The following SH3BP2 variants were observed in gnomAD, a reference collection of about 807,000 sequenced individuals.
The protein encoded by SH3BP2 is SH3 domain binding protein 2.
In SH3BP2, 38 loss-of-function variants were observed where a neutral mutation model predicts 56.2. The ratio of observed to expected loss-of-function variants is 0.68; its 90% CI spans 0.52 to 0.89. SH3BP2 has a LOEUF of 0.89. SH3BP2 is among the 40% of genes least tolerant of loss of function. The probability of loss-of-function intolerance (pLI) is 0.00; values close to 1 mark genes in which losing one functional copy is unlikely to be tolerated. For missense variants in SH3BP2, 748 were observed against 762.6 expected (o/e 0.98, Z 0.23); for synonymous variants, 346 against 316.7 (o/e 1.09, Z -0.98).
At chr4:2,825,070 T>G in intron 4 of SH3BP2, 56 bp from the exon 5 acceptor site, 1 of 1,458,348 alleles carries the variant, frequency 6.9e-7, no homozygotes. Context: ...GGTGGAGGGG[T>G]GCGGTGGGGC....
chr4:2,810,785 A>G lies in SH3BP2; in HGVS notation c.-4-9829A>G, dbSNP rs561236297. ...CCCTCCTCTGGACCCTGCAGCCCCA[A>G]CTGTCAGAACTGCCTGCCTCATCGT... On this transcript the variant is annotated intron_variant, in intron 1 of 12. Transcript: ENST00000503393. The surrounding 1 kb of genome is among the most constrained non-coding windows in gnomAD (Gnocchi z 4.2). Among the ~76,000 whole-genome samples the G allele has an allele frequency of 2.0e-5, 3 of 152,228 alleles. No individual in the cohort carries two copies. The highest frequency in any genetic ancestry group is 2.1e-4 in the South Asian group (1 of 4,822).
intron 4 of SH3BP2, 78 bp from the exon 5 acceptor site, chr4:2,825,048 C>A: frequency 7.6e-7 from 1 of 1,310,804 alleles, no homozygotes; most frequent in Non-Finnish European, 1.1e-6. Flanking sequence ...GCAGAGCAGG[C>A]AGGGCAGTGA....
intron 1 of SH3BP2, among the ~76,000 whole-genome samples, chr4:2,799,550 C>A (rs1723174539): frequency 6.6e-6 from 1 of 152,158 alleles, no homozygotes; most frequent in Non-Finnish European, 1.5e-5. Flanking sequence ...TGAGAAAGGA[C>A]CCCCAACCCC....
At chr4:2,802,963 C>T (rs1405899927) in intron 1 of SH3BP2, among the ~76,000 whole-genome samples, 1 of 152,208 alleles carries the variant, frequency 6.6e-6, no homozygotes, top group Non-Finnish European at 1.5e-5. Flanking sequence ...TGGGCCCCAG[C>T]GTCCTTTGCC....
At position 2,831,406 on chromosome 4, in the gene SH3BP2, G is replaced by T. The variant is rs1262047612; in HGVS notation, c.1242-165G>T. 6.6e-6 allele frequency among the ~76,000 whole-genome samples: 1 copy of T among 152,192 alleles called. No individual in the cohort carries two copies. Among genetic ancestry groups the T allele is most frequent in the African/African-American group, 2.4e-5 (1 of 41,442 alleles). ...CCTGCTGTCCCAGGGCAGTCGGCAC[G>T]AGCCCTACCCGGATCTCTGTTGTCC... is the stretch of plus-strand genomic sequence containing the variant. On this transcript the variant is annotated intron_variant, in intron 8 of 12. Coordinates refer to ENST00000503393, the MANE Select transcript of SH3BP2 (RefSeq NM_001122681.2). This position sits in a 1 kb window ranked among gnomAD's most constrained non-coding sequence, Gnocchi z 4.1.
chr4:2,832,123 C>T (rs1725020383), intron 10 of SH3BP2, 145 bp downstream of exon 10: 1 of 991,132 alleles, frequency 1.0e-6, no homozygotes, highest in African/African-American at 1.6e-5. Flanking sequence ...AGTGGACCTC[C>T]CTGCTCTGTC....
chr4:2,839,887 A>ATTGATCAGTGT lies in SH3BP2; in HGVS notation c.*6056_*6066dup, dbSNP rs1725361208. 2 of 151,998 alleles carry ATTGATCAGTGT rather than the reference A, an allele frequency of 1.3e-5. No individual in the cohort carries two copies. Among genetic ancestry groups the ATTGATCAGTGT allele is most frequent in the African/African-American group, 4.8e-5 (2 of 41,350 alleles). The allele number at this position is 151,998 out of a possible 1,614,324, so 9.4% of individuals were successfully genotyped here. ...CAGTTCTTATTTTTAATGCAGTTGA[A>ATTGATCAGTGT]TTGATCAGTGTTTTCATTTTGGTTA... On this transcript the variant is annotated 3_prime_UTR_variant, in exon 13 of 13. Transcript: ENST00000503393.
intron 1 of SH3BP2, among the ~76,000 whole-genome samples, chr4:2,804,188 G>C (rs1458761913): frequency 6.6e-6 from 1 of 152,150 alleles, no homozygotes. Flanking sequence ...GTCTCCTTCT[G>C]TCCCGGCACC....
rs1188334638 is a variant in SH3BP2 at position 2,829,617 on chromosome 4, C to G, written c.711C>G (p.Pro237=). The G allele has an allele frequency of 1.2e-6, 2 of 1,612,724 alleles. No individual in the cohort carries two copies. Among genetic ancestry groups the G allele is most frequent in the Non-Finnish European group, 1.7e-6 (2 of 1,179,586 alleles). ...TSKGPGPLLP[P]PPPKHGLPDV... is the part of the protein sequence containing the mutation. ...AGGGCCCCGGTCCCCTACTGCCACC[C>G]CCGCCCCCTAAGCACGGCCTCCCAG... Residue 237 remains proline, a synonymous_variant, in exon 8 of 13, where the codon CCC becomes CCG. Coordinates refer to ENST00000503393, the MANE Select transcript of SH3BP2 (RefSeq NM_001122681.2). This position sits in a 1 kb window ranked among gnomAD's most constrained non-coding sequence, Gnocchi z 4.9.
intron 1 of SH3BP2, among the ~76,000 whole-genome samples, chr4:2,807,804 G>A (rs955399933): frequency 8.5e-5 from 13 of 152,208 alleles, no homozygotes; most frequent in Non-Finnish European, 1.8e-4. Context: ...CAAGCCTGGC[G>A]GGTGTGGGTC....
rs1422930883 is a variant in SH3BP2, at chr4:2,810,115, G to T, written c.-4-10499G>T. On this transcript the variant is annotated intron_variant, in intron 1 of 12. Transcript: ENST00000503393. The surrounding 1 kb of genome is among the most constrained non-coding windows in gnomAD (Gnocchi z 4.2). ...AATATGAACGGCAGTGTCATATGCC[G>T]CAGGGATGAAGAGGAATTGAGAGAG... 6.6e-6 allele frequency among the ~76,000 whole-genome samples: 1 copy of T among 152,178 alleles called. No individual in the cohort carries two copies. Among genetic ancestry groups the T allele is most frequent in the Admixed American group, 6.5e-5 (1 of 15,288 alleles).
chr4:2,811,998 G>A (rs923486566), intron 1 of SH3BP2: 3 of 340,074 alleles, frequency 8.8e-6, no homozygotes, highest in African/African-American at 2.1e-5. Context: ...GGGAGAAGCC[G>A]AGTATTCAGA....
At chr4:2,799,122 A>G (rs1005770421) in intron 1 of SH3BP2, 2 of 985,402 alleles carry the variant, frequency 2.0e-6, no homozygotes, top group Non-Finnish European at 2.4e-6. Flanking sequence ...CTGCCTCAGG[A>G]CTTCGTTCCT....
chr4:2,827,692 G>A lies in SH3BP2; in HGVS notation c.586+18G>A. The A allele has an allele frequency of 2.0e-6, 2 of 990,024 alleles. No homozygotes were observed. The highest frequency in any genetic ancestry group is 1.6e-6 in the Non-Finnish European group (1 of 644,752). The allele number at this position is 990,024 out of a possible 1,614,324, so 61.3% of individuals were successfully genotyped here. A position where few individuals can be genotyped will look rare whatever the true frequency, so the allele number is the denominator to read the frequency against. On this transcript the variant is annotated intron_variant, in intron 7 of 12. Transcript: ENST00000503393. ...GCTTGAGGGTAGGTGGGGCGGGTGG[G>A]CCCGGGGAGCTCTGGGTGTGTAGGA...
At chr4:2,827,473 C>T in intron 6 of SH3BP2, 133 bp from the exon 7 acceptor site, 1 of 1,184,706 alleles carries the variant, frequency 8.4e-7, no homozygotes, top group East Asian at 2.5e-5. Context: ...CCTTCAGCGG[C>T]AGGGTCTGGA....
Position 2,824,993 on chromosome 4 carries a change from A to G in SH3BP2, c.358-133A>G, listed in dbSNP as rs532421849. On this transcript the variant is annotated intron_variant, in intron 4 of 12. Transcript: ENST00000503393. ...GTGGGCTGAGGGGAGCCACACAGCCATGTTGTATCCAGCCGGGTCGCCTCC... is the reference window on the plus strand; with the variant it reads ...GTGGGCTGAGGGGAGCCACACAGCCGTGTTGTATCCAGCCGGGTCGCCTCC... 8 of 833,960 alleles carry G rather than the reference A, an allele frequency of 9.6e-6. No homozygotes were observed. The East Asian group carries it at 1.9e-4, about 19-fold the overall frequency. The allele number at this position is 833,960 out of a possible 1,614,324, so 51.7% of individuals were successfully genotyped here.
At chr4:2,799,712 C>T (rs1281597811) in intron 1 of SH3BP2, among the ~76,000 whole-genome samples, 1 of 152,204 alleles carries the variant, frequency 6.6e-6, no homozygotes, top group Non-Finnish European at 1.5e-5. Flanking sequence ...CAGAGCCACC[C>T]TTGCGGCAGG....
intron 1 of SH3BP2, among the ~76,000 whole-genome samples, chr4:2,815,230 G>A (rs898824484): frequency 3.3e-5 from 5 of 152,196 alleles, no homozygotes; most frequent in African/African-American, 1.2e-4. Flanking sequence ...TCACCCCCTG[G>A]CACAGGGCAG....
At chr4:2,797,053 A>G (rs1298790237) in intron 1 of SH3BP2, among the ~76,000 whole-genome samples, 1 of 152,192 alleles carries the variant, frequency 6.6e-6, no homozygotes, top group Non-Finnish European at 1.5e-5. Flanking sequence ...CACTGTGTGA[A>G]TGGGCAGCTC....
Sources: gnomAD v4.1 joint callset for allele counts (sites outside exome capture counted in the v4.1 genomes callset) on GRCh38, gnomAD v4.1.1 for gene constraint, Gnocchi (gnomAD v3.1) non-coding constraint, MANE v1.5 for transcripts, NCBI Gene and HGNC (gene_info 2026-07-23, HGNC 2026-07-21) for gene names.